Variants in SNX8 observed in about 807,000 individuals in gnomAD.
The protein encoded by SNX8 is sorting nexin-8.
In SNX8, 25 loss-of-function variants were observed where a neutral mutation model predicts 51.6. The ratio of observed to expected loss-of-function variants is 0.48; its 90% CI spans 0.35 to 0.68. The LOEUF is 0.68. SNX8 is among the 30% of genes least tolerant of loss of function. SNX8 has a pLI of 0.00. For synonymous variants in SNX8, 324 were observed against 277.0 expected, an observed-to-expected ratio of 1.17 and a Z score of -1.68; for missense variants, 695 against 624.0, an observed-to-expected ratio of 1.11 and a Z score of -1.21.
intron 1 of SNX8, among the ~76,000 whole-genome samples, chr7:2,343,007 C>T (rs903459758): frequency 1.3e-5 from 2 of 151,768 alleles, no homozygotes; most frequent in Non-Finnish European, 2.9e-5. Flanking sequence ...ATTGGTCAGG[C>T]TGGTCTTGAA....
At chr7:2,260,569 T>G (rs1289731290) in intron 7 of SNX8, among the ~76,000 whole-genome samples, 1 of 152,142 alleles carries the variant, frequency 6.6e-6, no homozygotes, top group Non-Finnish European at 1.5e-5. Flanking sequence ...TCACGTGTCT[T>G]GCTGGGATAT....
At chr7:2,344,518 A>C (rs1375844621) in intron 1 of SNX8, among the ~76,000 whole-genome samples, 1 of 151,504 alleles carries the variant, frequency 6.6e-6, no homozygotes, top group Non-Finnish European at 1.5e-5. Context: ...AGGCTGAGGC[A>C]GGAGAATCTT....
intron 1 of SNX8, among the ~76,000 whole-genome samples, chr7:2,341,098 TG>T (rs1214484904): frequency 7.2e-6 from 1 of 139,450 alleles, no homozygotes; most frequent in Non-Finnish European, 1.5e-5. Context: ...GGAGCCCAAG[TG>T]GTTGGGGCTG....
chr7:2,314,555 T>G (rs1379911421), upstream of SNX8: 2 of 889,790 alleles, frequency 2.2e-6, no homozygotes, highest in African/African-American at 4.1e-5. Flanking sequence ...AGTCCGCCCC[T>G]GCGGGCCCGC....
chr7:2,304,308 G>T (rs923572834), intron 1 of SNX8, among the ~76,000 whole-genome samples: 1 of 152,082 alleles, frequency 6.6e-6, no homozygotes, highest in Non-Finnish European at 1.5e-5. Flanking sequence ...ACTTTGGGAG[G>T]CCAAGGTGGG....
At chr7:2,353,288 G>A (rs1413479820) in intron 1 of SNX8, among the ~76,000 whole-genome samples, 1 of 152,128 alleles carries the variant, frequency 6.6e-6, no homozygotes, top group East Asian at 1.9e-4. Context: ...GGAGGCTGAG[G>A]TGGGAGGATT....
chr7:2,349,630 T>G (rs888034702), intron 1 of SNX8, among the ~76,000 whole-genome samples: 1 of 151,688 alleles, frequency 6.6e-6, no homozygotes, highest in African/African-American at 2.4e-5. Flanking sequence ...AAAGATGAGA[T>G]TTCACCATGT....
upstream of SNX8, among the ~76,000 whole-genome samples, chr7:2,316,195 GCATT>G (rs1407188694): frequency 4.6e-4 from 60 of 129,634 alleles, 1 homozygote; most frequent in Non-Finnish European, 8.7e-4. Context: ...ACTGCATCCT[GCATT>G]CACTCACCCA....
At chr7:2,347,209 C>T (rs1485701153) in intron 1 of SNX8, among the ~76,000 whole-genome samples, 1 of 152,028 alleles carries the variant, frequency 6.6e-6, no homozygotes, top group African/African-American at 2.4e-5. Context: ...GGGCTGGGCG[C>T]AGTGGCTCAC....
chr7:2,259,021 G>A (rs1162939256), intron 7 of SNX8, among the ~76,000 whole-genome samples: 1 of 152,210 alleles, frequency 6.6e-6, no homozygotes, highest in African/African-American at 2.4e-5. Flanking sequence ...GCCCTCGGTG[G>A]GGGCGCAGGC....
intron 1 of SNX8, chr7:2,309,685 C>T (rs1447924163): frequency 1.2e-5 from 5 of 416,370 alleles, no homozygotes; most frequent in Non-Finnish European, 2.5e-5. Context: ...GAGCCGAGAT[C>T]GCGCCATCGC....
chr7:2,342,179 C>CA (rs1314843996), intron 1 of SNX8, among the ~76,000 whole-genome samples: 2 of 149,318 alleles, frequency 1.3e-5, no homozygotes, highest in African/African-American at 4.9e-5. Context: ...AACGCTGTCT[C>CA]AAAAAAAATA....
intron 6 of SNX8, among the ~76,000 whole-genome samples, chr7:2,263,840 G>A (rs1176877691): frequency 6.6e-6 from 1 of 152,142 alleles, no homozygotes; most frequent in African/African-American, 2.4e-5. Context: ...AGCCTCCCGA[G>A]TAGCTGAGAT....
chr7:2,341,137 C>T (rs948502722), intron 1 of SNX8, among the ~76,000 whole-genome samples: 3 of 150,406 alleles, frequency 2.0e-5, no homozygotes, highest in Admixed American at 1.3e-4. Flanking sequence ...GCCATTCACT[C>T]CAGCCTGGGT....
rs754759895 is a variant in SNX8, at chr7:2,269,527, AAAAAAAAAAAAG to A, written c.621+20_621+31del. 119 of 1,331,752 alleles carry A rather than the reference AAAAAAAAAAAAG, an allele frequency of 8.9e-5. No individual in the cohort carries two copies. The highest frequency in any genetic ancestry group is 1.7e-4 in the Admixed American group (7 of 41,362). The allele number at this position is 1,331,752 out of a possible 1,614,324, so 82.5% of individuals were successfully genotyped here. On this transcript the variant is annotated intron_variant, in intron 5 of 10. Transcript: ENST00000222990. ...ATGATCAATAAAAAAATAAATTAAA[AAAAAAAAAAAAG>A]AAAAAAAAAAGAAAAATACCTTGGC...
chr7:2,341,534 C>T (rs1416617317), intron 1 of SNX8, among the ~76,000 whole-genome samples: 2 of 151,896 alleles, frequency 1.3e-5, no homozygotes, highest in East Asian at 3.9e-4. Context: ...AGGCTAGGTG[C>T]CATGGCTTAC....
upstream of SNX8, among the ~76,000 whole-genome samples, chr7:2,314,991 TTCAC>T (rs1796730774): frequency 6.7e-6 from 1 of 149,832 alleles, no homozygotes; most frequent in Non-Finnish European, 1.5e-5. Flanking sequence ...CCTGCAATCA[TTCAC>T]CCACTCACTC....
intron 1 of SNX8, among the ~76,000 whole-genome samples, chr7:2,335,546 T>C (rs1297704250): frequency 3.3e-5 from 5 of 152,174 alleles, no homozygotes; most frequent in Admixed American, 2.6e-4. Flanking sequence ...CTCACGCCTG[T>C]AATCCCAGCA....
intron 1 of SNX8, among the ~76,000 whole-genome samples, chr7:2,346,059 A>T (rs1045797275): frequency 6.6e-6 from 1 of 152,100 alleles, no homozygotes; most frequent in Non-Finnish European, 1.5e-5. Flanking sequence ...CTGCCTGCTC[A>T]GCCTCCCAAA....
Sources: allele counts gnomAD v4.1 joint callset (sites outside exome capture counted in the v4.1 genomes callset), GRCh38; gene constraint gnomAD v4.1.1; transcripts MANE v1.5; gene names NCBI Gene and HGNC (gene_info 2026-07-23, HGNC 2026-07-21).